Variants in VCPIP1 observed in about 807,000 individuals in gnomAD.
VCPIP1 encodes the protein valosin containing protein interacting protein 1.
A neutral mutation model predicts 85.0 loss-of-function variants in VCPIP1; 8 were observed. The ratio of observed to expected loss-of-function variants is 0.09; its 90% CI spans 0.06 to 0.17. The LOEUF (loss-of-function observed/expected upper bound fraction) is 0.17. VCPIP1 is among the 10% of genes least tolerant of loss of function. VCPIP1 has a pLI of 1.00. For missense variants in VCPIP1, 1,070 were observed against 1,486.3 expected (o/e 0.72, Z 4.61); for synonymous variants, 543 against 544.5 (o/e 1.00, Z 0.04).
intron 2 of VCPIP1, 23 bp from the exon 3 acceptor site, chr8:66,635,395 A>C (rs1810874618): frequency 1.3e-6 from 2 of 1,568,752 alleles, no homozygotes; most frequent in East Asian, 2.3e-5. Flanking sequence ...AAAGATATTT[A>C]ACATATTAAA....
intron 2 of VCPIP1, among the ~76,000 whole-genome samples, 192 bp downstream of exon 2, chr8:66,651,266 T>C (rs1274416746): frequency 6.6e-6 from 1 of 152,070 alleles, no homozygotes; most frequent in Non-Finnish European, 1.5e-5. Flanking sequence ...TGATAGATTT[T>C]TAGTAATACT....
Position 66,635,201 on chromosome 8 carries a change from G to A in VCPIP1, c.2969C>T (p.Ala990Val). The part of the protein sequence containing the change: ...KEAVSQVRAE[A>V]TTRSRESSPS... ...ACTTGATTCCCTACTTCTTGTAGTA[G>A]CCTCTGCTCGAACCTGACTTACAGC... Residue 990 changes from alanine to valine, a missense_variant, in exon 3 of 3, where the codon GCT becomes GTT. By Grantham distance (64) the Ala-to-Val change is moderately conservative. This residue lies in a region of VCPIP1 where 255 missense variants were observed against 289.5 expected (regional missense o/e 0.88). Coordinates refer to ENST00000310421, the MANE Select transcript of VCPIP1 (RefSeq NM_025054.5). The A allele has an allele frequency of 6.2e-7, 1 of 1,614,154 alleles. No homozygotes were observed. Among genetic ancestry groups the A allele is most frequent in the South Asian group, 1.1e-5 (1 of 91,082 alleles).
chr8:66,666,417 C>CCATA lies in VCPIP1; in HGVS notation c.538_541dup (p.Gly181ValfsTer14). 1 of 1,614,100 alleles carries CCATA rather than the reference C, an allele frequency of 6.2e-7. No homozygotes were observed. The highest frequency in any genetic ancestry group is 8.5e-7 in the Non-Finnish European group (1 of 1,180,014). On this transcript the variant is annotated frameshift_variant, in exon 1 of 3. Transcript: ENST00000310421. LOFTEE classifies it high-confidence loss of function. The surrounding 1 kb of genome is among the most constrained non-coding windows in gnomAD (Gnocchi z 6.3). Reference sequence around the variant, plus strand: ...CAGGAGGCTTCCGGAGCGGTCCTTGCCATAGCCCACAGTGTTAACATGCTC... The same window carrying CCATA: ...CAGGAGGCTTCCGGAGCGGTCCTTGCCATACATAGCCCACAGTGTTAACATGCTC...
rs771435080 is a variant in VCPIP1 at position 66,666,451 on chromosome 8, T to A, written c.508A>T (p.Ile170Leu). The change falls in exon 1 of 3, where the codon ATA (isoleucine) becomes TTA (leucine). Residue 170 changes from isoleucine to leucine, a missense_variant. By Grantham distance (5) the Ile-to-Leu change is conservative (BLOSUM62 2). This residue lies in a region of VCPIP1 where 118 missense variants were observed against 337.1 expected (regional missense o/e 0.35). Coordinates refer to ENST00000310421, the MANE Select transcript of VCPIP1 (RefSeq NM_025054.5). The surrounding 1 kb of genome is among the most constrained non-coding windows in gnomAD (Gnocchi z 6.3). Reference sequence around the variant, plus strand: ...ACAGTGTTAACATGCTCTGGTTCTATGAGGAAGGCGCGGTCACCCAGTAAG... The same window carrying A: ...ACAGTGTTAACATGCTCTGGTTCTAAGAGGAAGGCGCGGTCACCCAGTAAG... Reference protein sequence around the residue: ...CALLGDRAFLIEPEHVNTVGY... With the variant: ...CALLGDRAFLLEPEHVNTVGY... The A allele has an allele frequency of 3.0e-5, 49 of 1,614,184 alleles. No individual in the cohort carries two copies. Among genetic ancestry groups the A allele is most frequent in the Non-Finnish European group, 4.0e-5 (47 of 1,180,030 alleles).
intron 1 of VCPIP1, among the ~76,000 whole-genome samples, chr8:66,660,986 T>A (rs1415180743): frequency 1.3e-5 from 2 of 151,870 alleles, no homozygotes; most frequent in African/African-American, 4.8e-5. Context: ...GAGGTTGCAG[T>A]GAGCCGAGAT....
intron 2 of VCPIP1, among the ~76,000 whole-genome samples, chr8:66,651,042 G>A (rs1312963393): frequency 2.6e-5 from 4 of 151,192 alleles, no homozygotes; most frequent in East Asian, 1.9e-4. Context: ...AAAATTAGCC[G>A]GGCATGGTAG....
At chr8:66,651,614 G>A in intron 1 of VCPIP1, 70 bp from the exon 2 acceptor site, 1 of 1,266,526 alleles carries the variant, frequency 7.9e-7, no homozygotes, top group East Asian at 2.3e-5. Flanking sequence ...CTTTAGTAAG[G>A]ATTAGCCTAG....
intron 2 of VCPIP1, among the ~76,000 whole-genome samples, chr8:66,637,051 A>T (rs548624956): frequency 5.9e-5 from 9 of 152,304 alleles, no homozygotes; most frequent in African/African-American, 2.2e-4. Flanking sequence ...TATTGTTATT[A>T]AAAAACTCCA....
rs1444472423 is a variant in VCPIP1 at position 66,632,959 on chromosome 8, C to T, written c.*1542G>A. 6.6e-6 allele frequency: 1 copy of T among 152,036 alleles called. No individual in the cohort carries two copies. Among genetic ancestry groups the T allele is most frequent in the East Asian group, 1.9e-4 (1 of 5,198 alleles). The allele number at this position is 152,036 out of a possible 1,614,324, so 9.4% of individuals were successfully genotyped here. On this transcript the variant is annotated 3_prime_UTR_variant, in exon 3 of 3. Coordinates refer to ENST00000310421, the MANE Select transcript of VCPIP1 (RefSeq NM_025054.5). ...CCCAAATATATATTTTGCTCAGATA[C>T]ACCTGTAAAATGTCTAGATTCTCCA...
At chr8:66,638,766 G>A (rs925721627) in intron 2 of VCPIP1, among the ~76,000 whole-genome samples, 9 of 151,938 alleles carry the variant, frequency 5.9e-5, no homozygotes, top group Non-Finnish European at 7.4e-5. Flanking sequence ...GCGACAGAGC[G>A]AGACTCCTGT....
At chr8:66,663,934 G>A (rs1293699786) in intron 1 of VCPIP1, among the ~76,000 whole-genome samples, 1 of 152,100 alleles carries the variant, frequency 6.6e-6, no homozygotes, top group Non-Finnish European at 1.5e-5. Flanking sequence ...GATCAATAGA[G>A]CCTACCAAAA....
intron 2 of VCPIP1, among the ~76,000 whole-genome samples, chr8:66,635,972 T>G (rs1195292262): frequency 7.0e-6 from 1 of 143,440 alleles, no homozygotes; most frequent in African/African-American, 2.6e-5. Flanking sequence ...CTCATGCATA[T>G]AATCCCAGCA....
In VCPIP1 at chr8:66,630,849, C is replaced by G. The variant is rs1334545132; in HGVS notation, c.*3652G>C. 1 of 152,524 alleles carries G rather than the reference C, an allele frequency of 6.6e-6. No individual in the cohort carries two copies. Among genetic ancestry groups the G allele is most frequent in the Non-Finnish European group, 1.5e-5 (1 of 67,968 alleles). The allele number at this position is 152,524 out of a possible 1,614,324, so 9.4% of individuals were successfully genotyped here. ...AACTTGTAATTAACTCTATAACTTA[C>G]ATGGGTGATATAGTTCCCCTTTGTT... On this transcript the variant is annotated 3_prime_UTR_variant, in exon 3 of 3. Coordinates refer to ENST00000310421, the MANE Select transcript of VCPIP1 (RefSeq NM_025054.5).
intron 2 of VCPIP1, among the ~76,000 whole-genome samples, chr8:66,647,075 G>C (rs761204147): frequency 1.3e-5 from 2 of 151,734 alleles, no homozygotes; most frequent in Non-Finnish European, 2.9e-5. Context: ...AGGCATGGTG[G>C]CTCACGCCTG....
intron 1 of VCPIP1, chr8:66,653,680 C>G (rs915768376): frequency 1.3e-5 from 2 of 152,134 alleles, no homozygotes; most frequent in African/African-American, 4.8e-5. Context: ...CTTTACATAC[C>G]TAGTTATTCC....
chr8:66,666,210 AGG>A lies in VCPIP1; in HGVS notation c.747_748del (p.Leu250GlyfsTer9). On this transcript the variant is annotated frameshift_variant, in exon 1 of 3. Coordinates refer to ENST00000310421, the MANE Select transcript of VCPIP1 (RefSeq NM_025054.5). LOFTEE classifies it high-confidence loss of function. This position sits in a 1 kb window ranked among gnomAD's most constrained non-coding sequence, Gnocchi z 6.3. ...ATGGAACAGAGCTTGATATCGGGCC[AGG>A]TGCTGCTGAAAGTGCTGTTTAAGAT... is the stretch of plus-strand genomic sequence containing the variant. The A allele has an allele frequency of 6.2e-7, 1 of 1,613,996 alleles. No homozygotes were observed. Among genetic ancestry groups the A allele is most frequent in the Non-Finnish European group, 8.5e-7 (1 of 1,179,952 alleles).
intron 2 of VCPIP1, among the ~76,000 whole-genome samples, chr8:66,638,873 T>C (rs1810916487): frequency 6.6e-6 from 1 of 152,084 alleles, no homozygotes; most frequent in Admixed American, 6.6e-5. Flanking sequence ...GAGTATTATA[T>C]AGTTAAAACT....
rs566304284 is a variant in VCPIP1 at position 66,666,623 on chromosome 8, C to T, written c.336G>A (p.Lys112=). The change falls in exon 1 of 3, where the codon AAG becomes AAA. Residue 112 remains lysine, a synonymous_variant. Transcript: ENST00000310421. This position sits in a 1 kb window ranked among gnomAD's most constrained non-coding sequence, Gnocchi z 6.3. ...CCATCACCTTTACCAGTTCCGTGTTCTTCTTGGGTGCCCCCGTAACCCCGA... is the reference window on the plus strand; with the variant it reads ...CCATCACCTTTACCAGTTCCGTGTTTTTCTTGGGTGCCCCCGTAACCCCGA... ...ALLGVTGAPK[K]NTELVKVMGL... 1.9e-6 allele frequency: 3 copies of T among 1,614,176 alleles called. No individual in the cohort carries two copies. The South Asian group carries it at 3.3e-5, about 18-fold the overall frequency.
At chr8:66,645,598 A>G (rs1284375778) in intron 2 of VCPIP1, among the ~76,000 whole-genome samples, 2 of 152,038 alleles carry the variant, frequency 1.3e-5, no homozygotes, top group Non-Finnish European at 2.9e-5. Context: ...CAAAATTTTG[A>G]TGAGAGATAT....
Sources: allele counts gnomAD v4.1 joint callset (sites outside exome capture counted in the v4.1 genomes callset), GRCh38; gene constraint gnomAD v4.1.1; regional missense constraint gnomAD v4.1.1; non-coding constraint Gnocchi (gnomAD v3.1); transcripts MANE v1.5; gene names NCBI Gene and HGNC (gene_info 2026-07-23, HGNC 2026-07-21).